The following CACHD1 variants were observed in gnomAD, a reference collection of about 807,000 sequenced individuals.
CACHD1 encodes the protein cache domain containing 1.
Under a neutral mutation model 138.7 loss-of-function variants are expected in CACHD1, and 71 were observed. That is an observed-to-expected ratio of 0.51 (90% CI 0.42 to 0.62). The LOEUF (loss-of-function observed/expected upper bound fraction) is 0.62. CACHD1 is among the 20% of genes least tolerant of loss of function. CACHD1 has a pLI of 0.00. For missense variants in CACHD1, 1,389 were observed against 1,625.3 expected, an observed-to-expected ratio of 0.85 and a Z score of 2.50; for synonymous variants, 578 against 591.5, an observed-to-expected ratio of 0.98 and a Z score of 0.33.
chr1:64,687,792 G>C (rs1375188532), intron 26 of CACHD1, among the ~76,000 whole-genome samples: 1 of 152,126 alleles, frequency 6.6e-6, no homozygotes. Context: ...CGTTGGTGGG[G>C]GGTGGGGCAG....
intron 1 of CACHD1, among the ~76,000 whole-genome samples, chr1:64,547,634 T>TG (rs768135523): frequency 2.0e-5 from 3 of 152,200 alleles, no homozygotes; most frequent in Non-Finnish European, 4.4e-5. Context: ...CCCAAGGTGC[T>TG]GGGATTACAG....
At chr1:64,615,930 C>T (rs78310873) in intron 4 of CACHD1, among the ~76,000 whole-genome samples, 3,022 of 152,182 alleles carry the variant, frequency 0.02, 88 homozygotes, top group African/African-American at 0.07. Flanking sequence ...CCATAGATAC[C>T]AAGGGCAGTT....
At position 64,665,506 on chromosome 1, in the gene CACHD1, G is replaced by GTAAA. The variant is rs751341968; in HGVS notation, c.2277-549_2277-546dup. On this transcript the variant is annotated intron_variant, in intron 15 of 26. Coordinates refer to ENST00000651257, the MANE Select transcript of CACHD1 (RefSeq NM_020925.4). ...AAAAACAACTATACTACATATCTTA[G>GTAAA]TAAATGCCCAGATATATACTGAGTT... 3.3e-5 allele frequency among the ~76,000 whole-genome samples: 5 copies of GTAAA among 151,934 alleles called. No homozygotes were observed. In the East Asian group the frequency reaches 9.7e-4, roughly 29 times the overall value.
chr1:64,633,803 C>T (rs970506631), intron 6 of CACHD1, among the ~76,000 whole-genome samples: 5 of 152,118 alleles, frequency 3.3e-5, no homozygotes, highest in Non-Finnish European at 7.4e-5. Context: ...TATGTATGAA[C>T]ATAATACTAC....
chr1:64,538,217 A>G (rs2100421142), intron 1 of CACHD1, among the ~76,000 whole-genome samples: 1 of 152,332 alleles, frequency 6.6e-6, no homozygotes, highest in South Asian at 2.1e-4. Context: ...TTATTCCATA[A>G]AGGCTCACTA....
intron 1 of CACHD1, among the ~76,000 whole-genome samples, chr1:64,483,867 C>T (rs1646225845): frequency 7.1e-6 from 1 of 140,956 alleles, no homozygotes; most frequent in Non-Finnish European, 1.5e-5. Flanking sequence ...TTTACCTTCC[C>T]CCCCCCCCTT....
At chr1:64,661,386 A>G (rs2100697916) in intron 13 of CACHD1, among the ~76,000 whole-genome samples, 1 of 152,250 alleles carries the variant, frequency 6.6e-6, no homozygotes, top group East Asian at 1.9e-4. Context: ...TGGGTCCTGT[A>G]TCTTGATTCC....
At chr1:64,518,504 T>C (rs1254391932) in intron 1 of CACHD1, among the ~76,000 whole-genome samples, 1 of 152,146 alleles carries the variant, frequency 6.6e-6, no homozygotes, top group East Asian at 1.9e-4. Flanking sequence ...TTTTAGTGCA[T>C]GTACAGGAAT....
intron 3 of CACHD1, among the ~76,000 whole-genome samples, chr1:64,594,526 T>C (rs1647134454): frequency 6.6e-6 from 1 of 152,168 alleles, no homozygotes; most frequent in Non-Finnish European, 1.5e-5. Flanking sequence ...GTGTGTGCAT[T>C]AGGTAGATGT....
chr1:64,470,791 G>T lies in CACHD1; in HGVS notation c.47G>T (p.Arg16Leu). 8.6e-7 allele frequency: 1 copy of T among 1,165,548 alleles called. No homozygotes were observed. The highest frequency in any genetic ancestry group is 1.2e-6 in the Non-Finnish European group (1 of 822,706). The allele number at this position is 1,165,548 out of a possible 1,614,324, so 72.2% of individuals were successfully genotyped here. ...GAGGAGACGGCCGTGGCCCGGGCGC[G>T]GCGGCCGCCCCTCTGGCTGCTCTGC... ...EEEETAVARA[R>L]RPPLWLLCLV... The change falls in exon 1 of 27, where the codon CGG becomes CTG. Residue 16 changes from arginine to leucine, a missense_variant. Coordinates refer to ENST00000651257, the MANE Select transcript of CACHD1 (RefSeq NM_020925.4). This position sits in a 1 kb window ranked among gnomAD's most constrained non-coding sequence, Gnocchi z 5.2.
In CACHD1 at chr1:64,629,470, A is replaced by G; in HGVS notation, c.633A>G (p.Glu211=). ...AHKFRCKGSY[E]HRSRPIYVST... Reference sequence around the variant, plus strand: ...AGTTCCGGTGTAAGGGCAGCTACGAACACCGCAGTAGGTATGTTGACTTGC... The same window carrying G: ...AGTTCCGGTGTAAGGGCAGCTACGAGCACCGCAGTAGGTATGTTGACTTGC... The change falls in exon 5 of 27, where the codon GAA becomes GAG. Residue 211 remains glutamate, a synonymous_variant. Transcript: ENST00000651257. 6.2e-7 allele frequency: 1 copy of G among 1,614,046 alleles called. No homozygotes were observed. Among genetic ancestry groups the G allele is most frequent in the Non-Finnish European group, 8.5e-7 (1 of 1,179,938 alleles).
At chr1:64,526,156 T>C (rs766671954) in intron 1 of CACHD1, among the ~76,000 whole-genome samples, 23 of 152,144 alleles carry the variant, frequency 1.5e-4, no homozygotes, top group Admixed American at 1.3e-4. Flanking sequence ...GTAAAGTAGG[T>C]GTAATTGCAA....
At chr1:64,563,198 G>T (rs1404851608) in intron 2 of CACHD1, among the ~76,000 whole-genome samples, 1 of 134,590 alleles carries the variant, frequency 7.4e-6, no homozygotes, top group Non-Finnish European at 1.5e-5. Flanking sequence ...CAGTTTTTTG[G>T]AGTATTTTTC....
At chr1:64,666,923 G>A (rs1196363707) in intron 16 of CACHD1, among the ~76,000 whole-genome samples, 2 of 149,386 alleles carry the variant, frequency 1.3e-5, no homozygotes, top group African/African-American at 4.9e-5. Flanking sequence ...TTGTATTTGA[G>A]TCTAACTCTT....
At chr1:64,657,755 CTAAG>C (rs1367256504) in intron 12 of CACHD1, among the ~76,000 whole-genome samples, 7 of 152,194 alleles carry the variant, frequency 4.6e-5, no homozygotes, top group East Asian at 1.9e-4. Flanking sequence ...TTTTATTTCA[CTAAG>C]TAAGTCACAT....
intron 5 of CACHD1, among the ~76,000 whole-genome samples, chr1:64,630,664 G>A (rs1178302862): frequency 6.6e-6 from 1 of 152,100 alleles, no homozygotes; most frequent in Non-Finnish European, 1.5e-5. Context: ...GTGTCTTGGA[G>A]ACTGGACCAG....
At chr1:64,689,925 G>A (rs1650494178) in intron 26 of CACHD1, among the ~76,000 whole-genome samples, 3 of 152,184 alleles carry the variant, frequency 2.0e-5, no homozygotes, top group Admixed American at 2.0e-4. Flanking sequence ...ACCATTATCT[G>A]TGTAAAAGGA....
At chr1:64,580,648 AAAG>A (rs1424017086) in intron 2 of CACHD1, among the ~76,000 whole-genome samples, 1 of 152,204 alleles carries the variant, frequency 6.6e-6, no homozygotes, top group Non-Finnish European at 1.5e-5. Context: ...ACCTGTTAAA[AAAG>A]CAATCAATCG....
chr1:64,627,348 A>G (rs755718335), intron 4 of CACHD1, among the ~76,000 whole-genome samples: 39 of 152,210 alleles, frequency 2.6e-4, no homozygotes, highest in Non-Finnish European at 4.0e-4. Context: ...TCAAGGCTGC[A>G]GTGAGCTGTG....
Sources: allele counts gnomAD v4.1 joint callset (sites outside exome capture counted in the v4.1 genomes callset), GRCh38; gene constraint gnomAD v4.1.1; non-coding constraint Gnocchi (gnomAD v3.1); transcripts MANE v1.5; gene names NCBI Gene and HGNC (gene_info 2026-07-23, HGNC 2026-07-21).